EML1: variants seen among roughly 807,000 people sequenced by gnomAD.
EML1 encodes the protein EMAP like 1.
In EML1, 27 loss-of-function variants were observed where a neutral mutation model predicts 110.4. The observed-to-expected ratio is 0.24, with a 90% CI of 0.18 to 0.34. EML1 has a LOEUF of 0.34. Among genes scored for constraint, EML1 ranks in the 10% least tolerant of loss-of-function variants. EML1 has a pLI of 1.00. For missense variants in EML1, 741 were observed against 1,030.9 expected (o/e 0.72, Z 3.85); for synonymous variants, 344 against 385.8 (o/e 0.89, Z 1.27).
intron 1 of EML1, among the ~76,000 whole-genome samples, chr14:99,759,605 G>A (rs1269857743): frequency 6.6e-6 from 1 of 152,162 alleles, no homozygotes; most frequent in African/African-American, 2.4e-5. Flanking sequence ...GAAGGAATCG[G>A]GTGCACCGTC....
intron 15 of EML1, among the ~76,000 whole-genome samples, chr14:99,915,947 G>A (rs755690486): frequency 1.3e-5 from 2 of 152,192 alleles, no homozygotes; most frequent in Non-Finnish European, 2.9e-5. Flanking sequence ...CTGGTCACTG[G>A]TGGCCAGCTG....
At chr14:99,753,348 G>T (rs1412711751) in intron 1 of EML1, among the ~76,000 whole-genome samples, 1 of 151,748 alleles carries the variant, frequency 6.6e-6, no homozygotes, top group Non-Finnish European at 1.5e-5. Flanking sequence ...TCCTGGCCTG[G>T]TAATGCTGGC....
At chr14:99,899,714 A>AT (rs58436439) in intron 8 of EML1, among the ~76,000 whole-genome samples, 43 of 149,416 alleles carry the variant, frequency 2.9e-4, no homozygotes, top group South Asian at 4.2e-4. Context: ...GGGTCTTTCA[A>AT]TTTTTTTTTT....
chr14:99,830,271 T>C (rs1566887013), intron 1 of EML1, among the ~76,000 whole-genome samples: 1 of 152,202 alleles, frequency 6.6e-6, no homozygotes, highest in Non-Finnish European at 1.5e-5. Flanking sequence ...TTCATGTGCT[T>C]ATTGGCCATT....
At chr14:99,754,015 A>C (rs1479796661) in intron 1 of EML1, among the ~76,000 whole-genome samples, 2 of 152,000 alleles carry the variant, frequency 1.3e-5, no homozygotes, top group Non-Finnish European at 2.9e-5. Flanking sequence ...TGTGTCTAAG[A>C]CCCTCATTGG....
intron 1 of EML1, chr14:99,850,114 T>G: frequency 8.6e-6 from 3 of 348,384 alleles, no homozygotes; most frequent in South Asian, 2.4e-5. Flanking sequence ...TTTTTTTTGG[T>G]ATTTTGTAGA....
chr14:99,778,990 G>T (rs1230542512), intron 1 of EML1, among the ~76,000 whole-genome samples: 1 of 152,292 alleles, frequency 6.6e-6, no homozygotes, highest in East Asian at 1.9e-4. Context: ...AATAACATTT[G>T]GTGGTGGTGT....
chr14:99,766,568 G>C (rs1030521167), intron 1 of EML1, among the ~76,000 whole-genome samples: 2 of 152,136 alleles, frequency 1.3e-5, no homozygotes, highest in Non-Finnish European at 2.9e-5. Flanking sequence ...TTTTAGGGGG[G>C]CTTCCCAACA....
chr14:99,768,314 T>C (rs1050949499), upstream of EML1, among the ~76,000 whole-genome samples: 22 of 152,186 alleles, frequency 1.4e-4, no homozygotes, highest in Non-Finnish European at 2.9e-5. Flanking sequence ...TCATTCTTCA[T>C]GGTGGAGTGG....
intron 1 of EML1, among the ~76,000 whole-genome samples, chr14:99,753,606 C>G (rs548026404): frequency 1.9e-4 from 29 of 152,228 alleles, no homozygotes; most frequent in African/African-American, 7.0e-4. Context: ...CAGTAAGTAG[C>G]CTCCATCGCT....
At chr14:99,841,812 G>T (rs1158813199) in intron 1 of EML1, among the ~76,000 whole-genome samples, 3 of 152,266 alleles carry the variant, frequency 2.0e-5, no homozygotes, top group Admixed American at 6.5e-5. Flanking sequence ...TCACAACGTG[G>T]GAGATCGTTC....
At chr14:99,805,534 A>G (rs1272492554) in intron 1 of EML1, among the ~76,000 whole-genome samples, 2 of 151,878 alleles carry the variant, frequency 1.3e-5, no homozygotes, top group East Asian at 1.9e-4. Flanking sequence ...GAGCGCAGTG[A>G]TATGAGCTGG....
intron 13 of EML1, 117 bp downstream of exon 13, chr14:99,911,693 A>T: frequency 9.1e-7 from 1 of 1,097,148 alleles, no homozygotes; most frequent in Non-Finnish European, 1.3e-6. Flanking sequence ...AAATCACATT[A>T]TATGGGAGCA....
intron 8 of EML1, among the ~76,000 whole-genome samples, chr14:99,898,914 TAA>T (rs1369850129): frequency 6.6e-6 from 1 of 152,200 alleles, no homozygotes; most frequent in Non-Finnish European, 1.5e-5. Context: ...AAACATTTAA[TAA>T]AGTTAAAATT....
At chr14:99,818,858 G>A (rs1037996134) in intron 1 of EML1, among the ~76,000 whole-genome samples, 2 of 152,224 alleles carry the variant, frequency 1.3e-5, no homozygotes, top group African/African-American at 4.8e-5. Context: ...GGTCCTTCAC[G>A]TCTGCAGAGG....
chr14:99,930,797 A>T (rs2060353651), intron 17 of EML1, among the ~76,000 whole-genome samples: 1 of 152,236 alleles, frequency 6.6e-6, no homozygotes, highest in Admixed American at 6.5e-5. Flanking sequence ...TATTAAGCCC[A>T]ACTGCAGATC....
At chr14:99,801,191 T>A (rs2057870354) in intron 1 of EML1, among the ~76,000 whole-genome samples, 1 of 152,154 alleles carries the variant, frequency 6.6e-6, no homozygotes, top group Non-Finnish European at 1.5e-5. Context: ...AGGATAGAAA[T>A]GGTTAGGCGA....
chr14:99,796,134 C>T, intron 1 of EML1, among the ~76,000 whole-genome samples: 1 of 146,816 alleles, frequency 6.8e-6, no homozygotes, highest in East Asian at 2.1e-4. Flanking sequence ...CTGCAGTGAG[C>T]TATGACTGTG....
chr14:99,780,801 T>C (rs1469710611), intron 1 of EML1, among the ~76,000 whole-genome samples: 1 of 152,228 alleles, frequency 6.6e-6, no homozygotes, highest in Non-Finnish European at 1.5e-5. Flanking sequence ...TAGCCTGTCA[T>C]GCAGGTTTGC....
Sources: gnomAD v4.1 joint callset for allele counts (sites outside exome capture counted in the v4.1 genomes callset) on GRCh38, gnomAD v4.1.1 for gene constraint, MANE v1.5 for transcripts, NCBI Gene and HGNC (gene_info 2026-07-23, HGNC 2026-07-21) for gene names.